Variants in MYT1L observed in about 807,000 individuals in gnomAD.
MYT1L encodes myelin transcription factor 1 like, also known as myelin transcription factor 1-like protein.
In MYT1L, 12 loss-of-function variants were observed where a neutral mutation model predicts 126.7. The observed-to-expected ratio is 0.09, with a 90% confidence interval of 0.06 to 0.15. MYT1L has a LOEUF of 0.15. MYT1L is among the 10% of genes least tolerant of loss of function. The pLI is 1.00. For missense variants in MYT1L, 979 were observed against 1,585.2 expected (o/e 0.62, Z 6.49); for synonymous variants, 541 against 604.2 (o/e 0.90, Z 1.53).
At chr2:1,834,016 C>A (rs2040514921) in intron 21 of MYT1L, among the ~76,000 whole-genome samples, 1 of 152,254 alleles carries the variant, frequency 6.6e-6, no homozygotes, top group Admixed American at 6.5e-5. Flanking sequence ...GGCCCCAAAC[C>A]ATGGGCATTG....
At chr2:1,892,340 A>G in intron 14 of MYT1L, 53 bp from the exon 15 acceptor site, 1 of 1,525,528 alleles carries the variant, frequency 6.6e-7, no homozygotes. Flanking sequence ...GGCACACGGC[A>G]GACAGCACAC....
At chr2:1,855,228 C>A (rs2043763828) in intron 18 of MYT1L, among the ~76,000 whole-genome samples, 1 of 152,232 alleles carries the variant, frequency 6.6e-6, no homozygotes, top group African/African-American at 2.4e-5. Context: ...CAAAAGGGAT[C>A]TTCGCCTCTC....
intron 3 of MYT1L, among the ~76,000 whole-genome samples, chr2:2,162,665 C>T (rs535245107): frequency 3.3e-5 from 5 of 152,304 alleles, no homozygotes; most frequent in Non-Finnish European, 5.9e-5. Context: ...ACTCAGATTC[C>T]GCAGGGCAGG....
chr2:2,312,395 G>C (rs1024381786), intron 1 of MYT1L, among the ~76,000 whole-genome samples: 1 of 152,000 alleles, frequency 6.6e-6, no homozygotes, highest in Admixed American at 6.6e-5. Context: ...TGGATCGCTC[G>C]AGCTCAGGAG....
intron 18 of MYT1L, among the ~76,000 whole-genome samples, chr2:1,867,848 T>C (rs957062562): frequency 5.3e-5 from 8 of 152,252 alleles, no homozygotes; most frequent in Admixed American, 1.3e-4. Flanking sequence ...CCCAAAACTG[T>C]TCCAAATAAA....
intron 4 of MYT1L, among the ~76,000 whole-genome samples, chr2:2,048,998 TTAACTATCCATAA>T (rs1170442139): frequency 3.3e-5 from 5 of 152,236 alleles, no homozygotes; most frequent in Admixed American, 2.6e-4. Flanking sequence ...TTATTTATTT[TTAACTATCCATAA>T]TATTTTATAA....
Position 1,979,323 on chromosome 2 carries a change from G to T in MYT1L, c.90-96C>A. ...AGAGAGAAGGAGGGCGGCTCAGACA[G>T]AGGAGAGAAATCACACAATCCAAAG... On this transcript the variant is annotated intron_variant, in intron 7 of 24. Coordinates refer to ENST00000647738, the MANE Select transcript of MYT1L (RefSeq NM_001303052.2). This position sits in a 1 kb window ranked among gnomAD's most constrained non-coding sequence, Gnocchi z 4.0. 2 of 1,223,278 alleles carry T rather than the reference G, an allele frequency of 1.6e-6. No homozygotes were observed. Among genetic ancestry groups the T allele is most frequent in the Non-Finnish European group, 1.2e-6 (1 of 842,286 alleles). The allele number at this position is 1,223,278 out of a possible 1,614,324, so 75.8% of individuals were successfully genotyped here.
At chr2:2,280,454 G>C (rs1197821585) in intron 2 of MYT1L, among the ~76,000 whole-genome samples, 2 of 152,162 alleles carry the variant, frequency 1.3e-5, no homozygotes, top group Non-Finnish European at 2.9e-5. Flanking sequence ...GTGTTCACCT[G>C]CCCATTCCAT....
chr2:1,945,984 G>A (rs1280890305), intron 8 of MYT1L, among the ~76,000 whole-genome samples: 1 of 152,150 alleles, frequency 6.6e-6, no homozygotes, highest in Non-Finnish European at 1.5e-5. Flanking sequence ...GTTAGGAACT[G>A]GGCCACACAG....
In MYT1L at chr2:1,889,170, T is replaced by G. The variant is rs1049556904; in HGVS notation, c.2520+71A>C. The stretch of plus-strand genomic sequence containing the variant: ...TATTTTCTCATAACGTATGTGCAAA[T>G]GGCTTTTCTTTCAGCTGGGGCCCCA... On this transcript the variant is annotated intron_variant, in intron 16 of 24. Transcript: ENST00000647738. The surrounding 1 kb of genome is among the most constrained non-coding windows in gnomAD (Gnocchi z 4.1). 5 of 1,171,842 alleles carry G rather than the reference T, an allele frequency of 4.3e-6. No individual in the cohort carries two copies. The African/African-American group carries it at 6.1e-5, about 14-fold the overall frequency. The allele number at this position is 1,171,842 out of a possible 1,614,324, so 72.6% of individuals were successfully genotyped here.
chr2:2,234,243 A>T (rs2094228608), intron 2 of MYT1L, among the ~76,000 whole-genome samples: 1 of 152,240 alleles, frequency 6.6e-6, no homozygotes, highest in African/African-American at 2.4e-5. Flanking sequence ...ATTTCAATTT[A>T]AAAGAATAGT....
intron 21 of MYT1L, among the ~76,000 whole-genome samples, chr2:1,813,598 T>C (rs1206294895): frequency 6.6e-6 from 1 of 152,026 alleles, no homozygotes; most frequent in Non-Finnish European, 1.5e-5. Context: ...CGGGATTCGA[T>C]TCTCCCAGGA....
chr2:2,015,709 G>A (rs986348163), intron 4 of MYT1L, among the ~76,000 whole-genome samples: 1 of 152,158 alleles, frequency 6.6e-6, no homozygotes, highest in Non-Finnish European at 1.5e-5. Context: ...AGGGAAGGAG[G>A]GGGCGGGAGG....
intron 3 of MYT1L, among the ~76,000 whole-genome samples, chr2:2,113,406 T>C (rs1363152954): frequency 6.6e-6 from 1 of 152,112 alleles, no homozygotes; most frequent in African/African-American, 2.4e-5. Flanking sequence ...AGGCACGCGC[T>C]CCGTCCAACA....
chr2:2,073,100 T>A (rs530249816), intron 3 of MYT1L, among the ~76,000 whole-genome samples: 5 of 152,208 alleles, frequency 3.3e-5, no homozygotes, highest in African/African-American at 1.2e-4. Context: ...TTTACTCTCA[T>A]GCCTTAATCA....
intron 2 of MYT1L, among the ~76,000 whole-genome samples, chr2:2,213,340 G>T (rs1572515417): frequency 6.6e-6 from 1 of 152,166 alleles, no homozygotes; most frequent in Non-Finnish European, 1.5e-5. Context: ...AGTGTCCAGG[G>T]AGACCAATAT....
chr2:2,011,420 G>GA (rs1478040679), intron 4 of MYT1L, among the ~76,000 whole-genome samples: 16 of 135,860 alleles, frequency 1.2e-4, no homozygotes, highest in Non-Finnish European at 2.1e-4. Context: ...GAAAAAAAAA[G>GA]AAAAAAAAGA....
intron 3 of MYT1L, among the ~76,000 whole-genome samples, chr2:2,087,907 C>T (rs890241259): frequency 2.1e-4 from 32 of 152,266 alleles, no homozygotes; most frequent in African/African-American, 7.7e-4. Flanking sequence ...ACGTGGTCTA[C>T]TGGGGCTCCA....
At chr2:2,093,634 G>T (rs1166544699) in intron 3 of MYT1L, among the ~76,000 whole-genome samples, 1 of 152,050 alleles carries the variant, frequency 6.6e-6, no homozygotes, top group South Asian at 2.1e-4. Flanking sequence ...CTCCCATTCT[G>T]TAGGTTGCCT....
Sources: gnomAD v4.1 joint callset for allele counts (sites outside exome capture counted in the v4.1 genomes callset) on GRCh38, gnomAD v4.1.1 for gene constraint, Gnocchi (gnomAD v3.1) non-coding constraint, MANE v1.5 for transcripts, NCBI Gene and HGNC (gene_info 2026-07-23, HGNC 2026-07-21) for gene names.